NAMPT: variants seen among roughly 807,000 people sequenced by gnomAD.
The protein encoded by NAMPT is NAmPRTase.
A neutral mutation model predicts 58.7 loss-of-function variants in NAMPT; 7 were observed. That is an observed-to-expected ratio of 0.12 (90% CI 0.07 to 0.22). NAMPT has a LOEUF of 0.22. NAMPT is among the 10% of genes least tolerant of loss of function. NAMPT has a pLI of 1.00. For synonymous variants in NAMPT, 145 were observed against 198.1 expected, an observed-to-expected ratio of 0.73 and a Z score of 2.25; for missense variants, 271 against 567.9, an observed-to-expected ratio of 0.48 and a Z score of 5.31.
intron 8 of NAMPT, among the ~76,000 whole-genome samples, chr7:106,257,027 G>A (rs1387153953): frequency 2.0e-5 from 3 of 152,024 alleles, no homozygotes; most frequent in Non-Finnish European, 1.5e-5. Flanking sequence ...AATCCAAAAA[G>A]TAGCCGGGCG....
intron 8 of NAMPT, among the ~76,000 whole-genome samples, chr7:106,257,213 T>C (rs1792217129): frequency 6.6e-6 from 1 of 151,962 alleles, no homozygotes; most frequent in African/African-American, 2.4e-5. Context: ...AACGATTCAA[T>C]CCTCTAATTG....
Position 106,254,346 on chromosome 7 carries a change from A to C in NAMPT, c.1230+18T>G. 2.5e-6 allele frequency: 4 copies of C among 1,612,832 alleles called. No individual in the cohort carries two copies. The highest frequency in any genetic ancestry group is 3.4e-6 in the Non-Finnish European group (4 of 1,179,000). ...ATAAGGAAGGTAGTAACACAGAAGT[A>C]ATTAAAAGGTGACATACCCCAAGGC... is the stretch of plus-strand genomic sequence containing the variant. On this transcript the variant is annotated intron_variant, in intron 9 of 10. Transcript: ENST00000222553.
At chr7:106,262,417 A>G (rs2115755102) in intron 7 of NAMPT, among the ~76,000 whole-genome samples, 1 of 152,270 alleles carries the variant, frequency 6.6e-6, no homozygotes, top group African/African-American at 2.4e-5. Context: ...AAAATTCCCC[A>G]TTGATGAAAT....
At chr7:106,253,363 T>C (rs745638861) in intron 9 of NAMPT, 1 of 505,834 alleles carries the variant, frequency 2.0e-6, no homozygotes, top group Non-Finnish European at 3.5e-6. Context: ...AAGTATGACA[T>C]CTTGGATATC....
At chr7:106,270,403 A>G in intron 4 of NAMPT, 1 of 235,982 alleles carries the variant, frequency 4.2e-6, no homozygotes, top group South Asian at 4.0e-5. Flanking sequence ...GTGATATATA[A>G]ATAAAACAAA....
At chr7:106,275,476 C>G (rs1792617181) in intron 2 of NAMPT, 1 of 153,360 alleles carries the variant, frequency 6.5e-6, no homozygotes, top group African/African-American at 2.4e-5. Context: ...ATGTCTGCCC[C>G]CCAAACAACA....
At chr7:106,285,467 A>C, upstream of NAMPT, 3 of 882,944 alleles carry the variant, frequency 3.4e-6, no homozygotes, top group Non-Finnish European at 4.1e-6. Flanking sequence ...GTCCTCCTGA[A>C]GTCACGCCAC....
In NAMPT at chr7:106,248,399, C is replaced by T. The variant is rs1309728981; in HGVS notation, c.*2684G>A. ...ACATACAACTTGGGAGAAAAGCTGA[C>T]ATTCTCCACTGAATGGGTTAAAAAG... On this transcript the variant is annotated 3_prime_UTR_variant, in exon 11 of 11. Transcript: ENST00000222553. 1 of 152,518 alleles carries T rather than the reference C, an allele frequency of 6.6e-6. No individual in the cohort carries two copies. Among genetic ancestry groups the T allele is most frequent in the African/African-American group, 2.4e-5 (1 of 41,424 alleles). 9.4% of individuals were successfully genotyped at this position (152,518 alleles called of 1,614,324 possible).
intron 6 of NAMPT, among the ~76,000 whole-genome samples, chr7:106,265,184 G>A (rs931583050): frequency 2.0e-5 from 3 of 152,060 alleles, no homozygotes; most frequent in Admixed American, 1.3e-4. Context: ...TTAAAAAGGA[G>A]AGAATTAAGA....
chr7:106,267,167 C>G (rs747669344), intron 6 of NAMPT, among the ~76,000 whole-genome samples: 2 of 152,188 alleles, frequency 1.3e-5, no homozygotes, highest in Non-Finnish European at 2.9e-5. Flanking sequence ...TAAAAGCTTT[C>G]TTGATCCTGC....
chr7:106,275,488 A>G (rs1792617485), intron 2 of NAMPT: 1 of 153,202 alleles, frequency 6.5e-6, no homozygotes, highest in South Asian at 1.9e-4. Flanking sequence ...CAAACAACAC[A>G]CTTTTAATTA....
At chr7:106,278,052 AGGGTGAATCATGG>A (rs1476605815) in intron 1 of NAMPT, among the ~76,000 whole-genome samples, 4 of 152,360 alleles carry the variant, frequency 2.6e-5, no homozygotes, top group African/African-American at 9.6e-5. Flanking sequence ...TTTAAGATAC[AGGGTGAATCATGG>A]CAATGGCGGA....
chr7:106,275,720 A>C (rs1057043312), intron 2 of NAMPT: 2 of 152,248 alleles, frequency 1.3e-5, no homozygotes, highest in Non-Finnish European at 2.9e-5. Context: ...ACTTAATACA[A>C]GATAACTAGT....
At position 106,263,436 on chromosome 7, in the gene NAMPT, T is replaced by C. The variant is rs1334505664; in HGVS notation, c.925A>G (p.Ile309Val). The C allele has an allele frequency of 1.2e-6, 2 of 1,602,968 alleles. No individual in the cohort carries two copies. Among genetic ancestry groups the C allele is most frequent in the Non-Finnish European group, 1.7e-6 (2 of 1,170,874 alleles). Reference protein sequence around the residue: ...IVSRSTQAPLIIRPDSGNPLD... With the variant: ...IVSRSTQAPLVIRPDSGNPLD... ...GGGTTTCCAGAATCAGGTCTGATTA[T>C]TAGTGGTGCCTGTGTACTTCTTGAT... Residue 309 changes from isoleucine to valine, a missense_variant, in exon 7 of 11, where the codon ATA becomes GTA. Physicochemically the swap from Ile to Val is conservative, Grantham distance 29. Around this residue, in one of 4 missense-constraint regions of NAMPT, gnomAD observed 143 missense variants for 331.1 expected, o/e 0.43. Coordinates refer to ENST00000222553, the MANE Select transcript of NAMPT (RefSeq NM_005746.3).
At chr7:106,284,143 A>G (rs1304292307) in intron 1 of NAMPT, among the ~76,000 whole-genome samples, 1 of 152,196 alleles carries the variant, frequency 6.6e-6, no homozygotes, top group Non-Finnish European at 1.5e-5. Context: ...ATAAGAGCAG[A>G]GCGGCCTCTA....
chr7:106,271,287 A>G (rs1792528500), intron 4 of NAMPT, among the ~76,000 whole-genome samples: 1 of 152,078 alleles, frequency 6.6e-6, no homozygotes, highest in African/African-American at 2.4e-5. Context: ...ACACTGTGCC[A>G]TTTCTTCAGC....
intron 2 of NAMPT, chr7:106,275,808 G>A (rs1185317038): frequency 6.6e-6 from 1 of 152,230 alleles, no homozygotes; most frequent in Non-Finnish European, 1.5e-5. Context: ...GCCAAGGCGG[G>A]CGGGTCGCTT....
chr7:106,255,279 G>A (rs752158834), intron 8 of NAMPT, among the ~76,000 whole-genome samples: 1 of 152,190 alleles, frequency 6.6e-6, no homozygotes, highest in Non-Finnish European at 1.5e-5. Flanking sequence ...CCTAGCATCT[G>A]CCTTAATATA....
At chr7:106,277,854 G>A (rs777925188) in intron 1 of NAMPT, among the ~76,000 whole-genome samples, 1 of 152,060 alleles carries the variant, frequency 6.6e-6, no homozygotes, top group Non-Finnish European at 1.5e-5. Flanking sequence ...CCATGAACTT[G>A]GGTAAGAGCC....
Sources: allele counts gnomAD v4.1 joint callset (sites outside exome capture counted in the v4.1 genomes callset), GRCh38; gene constraint gnomAD v4.1.1; regional missense constraint gnomAD v4.1.1; transcripts MANE v1.5; gene names NCBI Gene and HGNC (gene_info 2026-07-23, HGNC 2026-07-21).